The following MOAP1 variants were observed in gnomAD, a reference collection of about 807,000 sequenced individuals.
MOAP1 encodes the protein modulator of apoptosis 1.
For missense variants in MOAP1, 385 were observed against 418.6 expected (o/e 0.92, Z 0.70); for synonymous variants, 150 against 161.0 (o/e 0.93, Z 0.52).
rs749856155 is a variant in MOAP1 at position 93,183,204 on chromosome 14, C to T, written c.1039G>A (p.Glu347Lys). 5.6e-6 allele frequency: 9 copies of T among 1,605,298 alleles called. No homozygotes were observed. In the East Asian group the frequency reaches 1.6e-4, roughly 28 times the overall value. ...EEEALLQAIL[E>K]GNFT ...CCTGAGACTCAGGTGAAATTACCTT[C>T]CAATATTGCCTGGAGAAGGGCCTCC... is the stretch of plus-strand genomic sequence containing the variant. Residue 347 changes from glutamate (E) to lysine (K), a missense_variant, in exon 3 of 3, where the codon GAA becomes AAA. Glu to Lys is a moderately conservative substitution (Grantham distance 56). Transcript: ENST00000298894.
rs766587233 is a variant in MOAP1 at position 93,183,996 on chromosome 14, G to C, written c.247C>G (p.Pro83Ala). 1.2e-6 allele frequency: 2 copies of C among 1,614,026 alleles called. No individual in the cohort carries two copies. The highest frequency in any genetic ancestry group is 2.2e-5 in the South Asian group (2 of 91,068). The change falls in exon 3 of 3, where the codon CCG becomes GCG. Residue 83 changes from proline to alanine, a missense_variant. Transcript: ENST00000298894. ...ACTCTCCAGATACCCCCTTTTCCCG[G>C]TATCTCCTTAGGGACCAGGGCGTGA... ...TSHALVPKEI[P>A]GKGGIWRVIF...
chr14:93,184,132 C>T lies in MOAP1; in HGVS notation c.111G>A (p.Glu37=). 6.2e-7 allele frequency: 1 copy of T among 1,614,114 alleles called. No homozygotes were observed. The highest frequency in any genetic ancestry group is 8.5e-7 in the Non-Finnish European group (1 of 1,180,022). The part of the protein sequence containing the change: ...SQSCSVAEIE[E]ALQAGLAPLG... ...AGGGAGCTAAACCAGCCTGCAGAGCCTCCTCGATTTCTGCCACACTGCAGC... is the reference window on the plus strand; with the variant it reads ...AGGGAGCTAAACCAGCCTGCAGAGCTTCCTCGATTTCTGCCACACTGCAGC... The change falls in exon 3 of 3, where the codon GAG becomes GAA. Residue 37 remains glutamate (E), a synonymous_variant. Coordinates refer to ENST00000298894, the MANE Select transcript of MOAP1 (RefSeq NM_022151.5). This position sits in a 1 kb window ranked among gnomAD's most constrained non-coding sequence, Gnocchi z 4.2.
rs1893977822 is a variant in MOAP1, at chr14:93,183,759, A to G, written c.484T>C (p.Tyr162His). 5 of 1,613,926 alleles carry G rather than the reference A, an allele frequency of 3.1e-6. No homozygotes were observed. The highest frequency in any genetic ancestry group is 3.4e-6 in the Non-Finnish European group (4 of 1,180,006). ...ALQPALQCLK[Y>H]KKLRVFSGRE... is the part of the protein sequence containing the mutation. ...CCCGAGAACACTCTCAGCTTTTTAT[A>G]CTTCAAGCATTGCAGGGCAGGCTGA... The change falls in exon 3 of 3, where the codon TAT becomes CAT. Residue 162 changes from tyrosine to histidine, a missense_variant. Coordinates refer to ENST00000298894, the MANE Select transcript of MOAP1 (RefSeq NM_022151.5).
At position 93,183,068 on chromosome 14, in the gene MOAP1, T is replaced by G; in HGVS notation, c.*119A>C. Reference sequence around the variant, plus strand: ...ACGACAAAGGGCTTATACTGAGAATTGCACAAAAATGAGTTACTTGGCAGC... The same window carrying G: ...ACGACAAAGGGCTTATACTGAGAATGGCACAAAAATGAGTTACTTGGCAGC... On this transcript the variant is annotated 3_prime_UTR_variant, in exon 3 of 3. Transcript: ENST00000298894. 2.9e-6 allele frequency: 4 copies of G among 1,400,766 alleles called. No individual in the cohort carries two copies. Among genetic ancestry groups the G allele is most frequent in the Non-Finnish European group, 3.8e-6 (4 of 1,059,490 alleles). The allele number at this position is 1,400,766 out of a possible 1,614,324, so 86.8% of individuals were successfully genotyped here.
rs759172224 is a variant in MOAP1, at chr14:93,183,769, T to C, written c.474A>G (p.Gln158=). The C allele has an allele frequency of 8.7e-6, 14 of 1,614,016 alleles. No homozygotes were observed. In the East Asian group the frequency reaches 1.3e-4, roughly 15 times the overall value. The change falls in exon 3 of 3, where the codon CAA becomes CAG. Residue 158 remains glutamine (Q), a synonymous_variant. Coordinates refer to ENST00000298894, the MANE Select transcript of MOAP1 (RefSeq NM_022151.5). ...QALEALQPAL[Q]CLKYKKLRVF... ...CTCTCAGCTTTTTATACTTCAAGCA[T>C]TGCAGGGCAGGCTGAAGAGCCTCTA...
At position 93,184,094 on chromosome 14, in the gene MOAP1, C is replaced by G. The variant is rs1054335497; in HGVS notation, c.149G>C (p.Arg50Thr). 1.2e-6 allele frequency: 2 copies of G among 1,613,978 alleles called. No homozygotes were observed. The highest frequency in any genetic ancestry group is 1.7e-6 in the Non-Finnish European group (2 of 1,180,028). The change falls in exon 3 of 3, where the codon AGA (arginine) becomes ACA (threonine). Residue 50 changes from arginine (R) to threonine (T), a missense_variant. Coordinates refer to ENST00000298894, the MANE Select transcript of MOAP1 (RefSeq NM_022151.5). The surrounding 1 kb of genome is among the most constrained non-coding windows in gnomAD (Gnocchi z 4.2). ...QAGLAPLGEY[R>T]LLGRMFRRDE... ...CCTCCTGAACATCCTTCCAAGCAGT[C>G]TGTACTCCCCCAAGGGAGCTAAACC...
Position 93,183,566 on chromosome 14 carries a change from GGATT to G in MOAP1, c.673_676del (p.Asn225LeufsTer2), listed in dbSNP as rs774054626. The G allele has an allele frequency of 1.2e-6, 2 of 1,614,164 alleles. No individual in the cohort carries two copies. Among genetic ancestry groups the G allele is most frequent in the Non-Finnish European group, 1.7e-6 (2 of 1,180,026 alleles). The stretch of plus-strand genomic sequence containing the variant: ...CAGACATTCATCGACAGTAATTAAA[GGATT>G]GTTTATCTTGAGGACACGAATAACA... On this transcript the variant is annotated frameshift_variant, in exon 3 of 3. Coordinates refer to ENST00000298894, the MANE Select transcript of MOAP1 (RefSeq NM_022151.5). LOFTEE classifies it low-confidence loss of function (END_TRUNC).
rs1418859512 is a variant in MOAP1 at position 93,183,763 on chromosome 14, C to T, written c.480G>A (p.Leu160=). ...LEALQPALQC[L]KYKKLRVFSG... ...AGAACACTCTCAGCTTTTTATACTT[C>T]AAGCATTGCAGGGCAGGCTGAAGAG... Residue 160 remains leucine, a synonymous_variant, in exon 3 of 3, where the codon TTG becomes TTA. Transcript: ENST00000298894. 1.2e-6 allele frequency: 2 copies of T among 1,614,152 alleles called. No homozygotes were observed. The highest frequency in any genetic ancestry group is 2.2e-5 in the South Asian group (2 of 91,090).
At position 93,183,777 on chromosome 14, in the gene MOAP1, C is replaced by G; in HGVS notation, c.466G>C (p.Ala156Pro). ...LAQALEALQP[A>P]LQCLKYKKLR... is the part of the protein sequence containing the mutation. The stretch of plus-strand genomic sequence containing the variant: ...TTTTTATACTTCAAGCATTGCAGGG[C>G]AGGCTGAAGAGCCTCTAATGCCTGT... Residue 156 changes from alanine (A) to proline (P), a missense_variant, in exon 3 of 3, where the codon GCC becomes CCC. By Grantham distance (27) the Ala-to-Pro change is conservative. Coordinates refer to ENST00000298894, the MANE Select transcript of MOAP1 (RefSeq NM_022151.5). 6.2e-7 allele frequency: 1 copy of G among 1,614,152 alleles called. No individual in the cohort carries two copies. The highest frequency in any genetic ancestry group is 1.6e-4 in the Middle Eastern group (1 of 6,062).
rs1263280124 is a variant in MOAP1, at chr14:93,183,629, C to A, written c.614G>T (p.Arg205Leu). ...TGGGCCTCGAAGGCTCTCTAGCAAT[C>A]GCCTTCTCTTCTCTACATCTGGCAC... Reference protein sequence around the residue: ...WQVPDVEKRRRLLESLRGPAL... With the variant: ...WQVPDVEKRRLLLESLRGPAL... The change falls in exon 3 of 3, where the codon CGA (arginine) becomes CTA (leucine). Residue 205 changes from arginine to leucine, a missense_variant. Arg to Leu is a moderately radical substitution (Grantham distance 102). Coordinates refer to ENST00000298894, the MANE Select transcript of MOAP1 (RefSeq NM_022151.5). 1 of 1,614,190 alleles carries A rather than the reference C, an allele frequency of 6.2e-7. No individual in the cohort carries two copies. Among genetic ancestry groups the A allele is most frequent in the Non-Finnish European group, 8.5e-7 (1 of 1,180,028 alleles).
chr14:93,183,440 T>C lies in MOAP1; in HGVS notation c.803A>G (p.Tyr268Cys), dbSNP rs771158974. 2 of 1,614,246 alleles carry C rather than the reference T, an allele frequency of 1.2e-6. No individual in the cohort carries two copies. The highest frequency in any genetic ancestry group is 3.3e-5 in the Admixed American group (2 of 60,022). Residue 268 changes from tyrosine to cysteine, a missense_variant, in exon 3 of 3, where the codon TAT becomes TGT. Tyr to Cys is a radical substitution (Grantham distance 194, BLOSUM62 -2). Transcript: ENST00000298894. ...TAACAAAGGCTCCAGCCTTAGTACA[T>C]AAGCCGACAACTTTTCCTCATCCTT... ...YQKDEEKLSA[Y>C]VLRLEPLLQK...
At position 93,183,209 on chromosome 14, in the gene MOAP1, A is replaced by G; in HGVS notation, c.1034T>C (p.Ile345Thr). Residue 345 changes from isoleucine (I) to threonine (T), a missense_variant, in exon 3 of 3, where the codon ATA becomes ACA. Coordinates refer to ENST00000298894, the MANE Select transcript of MOAP1 (RefSeq NM_022151.5). ...AEEEEALLQA[I>T]LEGNFT is the part of the protein sequence containing the mutation. ...GACTCAGGTGAAATTACCTTCCAATATTGCCTGGAGAAGGGCCTCCTCCTC... is the reference window on the plus strand; with the variant it reads ...GACTCAGGTGAAATTACCTTCCAATGTTGCCTGGAGAAGGGCCTCCTCCTC... 1 of 1,607,114 alleles carries G rather than the reference A, an allele frequency of 6.2e-7. No homozygotes were observed. Among genetic ancestry groups the G allele is most frequent in the Non-Finnish European group, 8.5e-7 (1 of 1,176,696 alleles).
rs1291880461 is a variant in MOAP1 at position 93,184,039 on chromosome 14, C to T, written c.204G>A (p.Gly68=). The change falls in exon 3 of 3, where the codon GGG becomes GGA. Residue 68 remains glycine, a synonymous_variant. Transcript: ENST00000298894. This position sits in a 1 kb window ranked among gnomAD's most constrained non-coding sequence, Gnocchi z 4.2. ...RDENRKVALV[G]LTAETSHALV... ...GGGCGTGACTAGTCTCCGCAGTAAGCCCTACTAAGGCTACTTTCCTGTTCT... is the reference window on the plus strand; with the variant it reads ...GGGCGTGACTAGTCTCCGCAGTAAGTCCTACTAAGGCTACTTTCCTGTTCT... 10 of 1,613,796 alleles carry T rather than the reference C, an allele frequency of 6.2e-6. No individual in the cohort carries two copies. The highest frequency in any genetic ancestry group is 2.2e-5 in the East Asian group (1 of 44,858).
In MOAP1 at chr14:93,183,368, T is replaced by C. The variant is rs74075220; in HGVS notation, c.875A>G (p.Gln292Arg). ...RGAIERDAVN[Q>R]ARLDQVIAGA... ...AGCAATGACTTGGTCTAGGCGGGCC[T>C]GATTCACAGCATCTCTCTCAATTGC... is the stretch of plus-strand genomic sequence containing the variant. The change falls in exon 3 of 3, where the codon CAG (glutamine) becomes CGG (arginine). Residue 292 changes from glutamine (Q) to arginine (R), a missense_variant. Transcript: ENST00000298894. 1.7e-3 allele frequency: 2,803 copies of C among 1,614,222 alleles called. 11 individuals carry two copies. The African/African-American group carries it at 0.018, about 10-fold the overall frequency.
Position 93,184,398 on chromosome 14 carries a change from C to T in MOAP1, c.-120-36G>A, listed in dbSNP as rs1167381483. 1 of 243,960 alleles carries T rather than the reference C, an allele frequency of 4.1e-6. No homozygotes were observed. The highest frequency in any genetic ancestry group is 7.0e-6 in the Non-Finnish European group (1 of 143,856). The allele number at this position is 243,960 out of a possible 1,614,324, so 15.1% of individuals were successfully genotyped here. A position where few individuals can be genotyped will look rare whatever the true frequency, so the allele number is the denominator to read the frequency against. ...GAGCAGACAGGTTAGCTAAAGGTGC[C>T]AACGTCCAGGGCAAGCGTGCAGGCC... On this transcript the variant is annotated intron_variant, in intron 2 of 2. Transcript: ENST00000298894. This position sits in a 1 kb window ranked among gnomAD's most constrained non-coding sequence, Gnocchi z 4.2.
Position 93,183,948 on chromosome 14 carries a change from C to T in MOAP1, c.295G>A (p.Asp99Asn), listed in dbSNP as rs753957452. The T allele has an allele frequency of 1.9e-6, 3 of 1,614,156 alleles. No homozygotes were observed. Among genetic ancestry groups the T allele is most frequent in the East Asian group, 4.5e-5 (2 of 44,880 alleles). Residue 99 changes from aspartate (D) to asparagine (N), a missense_variant, in exon 3 of 3, where the codon GAT becomes AAT. Physicochemically the swap from Asp to Asn is conservative, Grantham distance 23. Coordinates refer to ENST00000298894, the MANE Select transcript of MOAP1 (RefSeq NM_022151.5). Reference protein sequence around the residue: ...WRVIFKPPDPDNTFLSRLNEF... With the variant: ...WRVIFKPPDPNNTFLSRLNEF... ...TTTAATCTGCTTAAAAATGTATTAT[C>T]TGGGTCAGGGGGCTTAAAGATCACT...
In MOAP1 at chr14:93,184,246, G is replaced by A. The variant is rs751221185; in HGVS notation, c.-4C>T. ...CTTCTAAAAGCCTCAAAGTCATGGTGCCCGAAATAATAGACTTAAGTTCTA... is the reference window on the plus strand; with the variant it reads ...CTTCTAAAAGCCTCAAAGTCATGGTACCCGAAATAATAGACTTAAGTTCTA... On this transcript the variant is annotated 5_prime_UTR_variant, in exon 3 of 3. Coordinates refer to ENST00000298894, the MANE Select transcript of MOAP1 (RefSeq NM_022151.5). The surrounding 1 kb of genome is among the most constrained non-coding windows in gnomAD (Gnocchi z 4.2). 3.2e-6 allele frequency: 5 copies of A among 1,567,212 alleles called. No homozygotes were observed. The highest frequency in any genetic ancestry group is 2.6e-6 in the Non-Finnish European group (3 of 1,160,354).
rs373383368 is a variant in MOAP1 at position 93,183,972 on chromosome 14, C to T, written c.271G>A (p.Val91Met). 1.2e-6 allele frequency: 2 copies of T among 1,614,034 alleles called. No individual in the cohort carries two copies. The highest frequency in any genetic ancestry group is 1.7e-6 in the Non-Finnish European group (2 of 1,180,036). ...TCTGGGTCAGGGGGCTTAAAGATCACTCTCCAGATACCCCCTTTTCCCGGT... is the reference window on the plus strand; with the variant it reads ...TCTGGGTCAGGGGGCTTAAAGATCATTCTCCAGATACCCCCTTTTCCCGGT... ...EIPGKGGIWRVIFKPPDPDNT... is the reference protein window; with the variant it reads ...EIPGKGGIWRMIFKPPDPDNT... The change falls in exon 3 of 3, where the codon GTG becomes ATG. Residue 91 changes from valine to methionine, a missense_variant. Coordinates refer to ENST00000298894, the MANE Select transcript of MOAP1 (RefSeq NM_022151.5).
chr14:93,183,928 T>A lies in MOAP1; in HGVS notation c.315A>T (p.Arg105Ser), dbSNP rs760915585. ...PPDPDNTFLS[R>S]LNEFLAGEGM... ...CCTCTCCCGCTAAAAATTCATTTAA[T>A]CTGCTTAAAAATGTATTATCTGGGT... The change falls in exon 3 of 3, where the codon AGA becomes AGT. Residue 105 changes from arginine (R) to serine (S), a missense_variant. By Grantham distance (110) the Arg-to-Ser change is moderately radical. Transcript: ENST00000298894. 6.2e-7 allele frequency: 1 copy of A among 1,614,110 alleles called. No individual in the cohort carries two copies. Among genetic ancestry groups the A allele is most frequent in the Non-Finnish European group, 8.5e-7 (1 of 1,180,038 alleles).
Sources: gnomAD v4.1 joint callset for allele counts on GRCh38, gnomAD v4.1.1 for gene constraint, Gnocchi (gnomAD v3.1) non-coding constraint, MANE v1.5 for transcripts, NCBI Gene and HGNC (gene_info 2026-07-23, HGNC 2026-07-21) for gene names.